Variants in IDE observed in about 807,000 individuals in gnomAD.
IDE encodes insulin degrading enzyme.
A neutral mutation model predicts 133.2 loss-of-function variants in IDE; 58 were observed. The observed-to-expected ratio is 0.44, with a 90% CI of 0.35 to 0.54. IDE has a LOEUF of 0.54. Ranked by LOEUF, IDE falls within the 20% of genes least tolerant of loss-of-function variation. The pLI is 0.00. For synonymous variants in IDE, 396 were observed against 421.3 expected, an observed-to-expected ratio of 0.94 and a Z score of 0.73; for missense variants, 981 against 1,234.0, an observed-to-expected ratio of 0.79 and a Z score of 3.07.
chr10:92,455,084 G>C (rs1439355454), intron 24 of IDE, among the ~76,000 whole-genome samples: 1 of 152,070 alleles, frequency 6.6e-6, no homozygotes, highest in Non-Finnish European at 1.5e-5. Flanking sequence ...GACAAGGGTA[G>C]AGGCTGAGTG....
chr10:92,522,931 C>T (rs1849310320), intron 4 of IDE, among the ~76,000 whole-genome samples: 1 of 152,128 alleles, frequency 6.6e-6, no homozygotes, highest in East Asian at 1.9e-4. Context: ...GCTAAAATTA[C>T]ACTCAGTGAA....
intron 13 of IDE, 134 bp downstream of exon 13, chr10:92,487,062 C>T: frequency 1.3e-6 from 1 of 742,706 alleles, no homozygotes; most frequent in Non-Finnish European, 2.1e-6. Flanking sequence ...ATTCTTTCTG[C>T]AGCTTTTTTG....
chr10:92,469,609 G>A (rs960836474), intron 18 of IDE, among the ~76,000 whole-genome samples: 2 of 151,890 alleles, frequency 1.3e-5, no homozygotes, highest in African/African-American at 4.8e-5. Flanking sequence ...TCAATTTTTT[G>A]TAGAGTTATG....
chr10:92,544,000 A>G (rs1842422910), intron 1 of IDE, among the ~76,000 whole-genome samples: 1 of 152,208 alleles, frequency 6.6e-6, no homozygotes, highest in Admixed American at 6.5e-5. Context: ...TGGGAGGCCG[A>G]GGTGGGCAGA....
chr10:92,472,642 C>CTTTTT (rs35959170), intron 17 of IDE, among the ~76,000 whole-genome samples: 3 of 125,926 alleles, frequency 2.4e-5, no homozygotes, highest in East Asian at 4.5e-4. Flanking sequence ...CAACAGAATT[C>CTTTTT]TTTTTTTTTT....
rs1324621017 is a variant in IDE, at chr10:92,479,520, G to A, written c.1740-99C>T. ...CAAGATATTGAACACCGGTTAATAT[G>A]ATTTCCTGAGGATATGGTTGAATTC... On this transcript the variant is annotated intron_variant, in intron 14 of 24. Transcript: ENST00000265986. 1.6e-5 allele frequency: 14 copies of A among 864,950 alleles called. No individual in the cohort carries two copies. In the Middle Eastern group the frequency reaches 9.2e-4, roughly 57 times the overall value. The allele number at this position is 864,950 out of a possible 1,614,324, so 53.6% of individuals were successfully genotyped here.
intron 1 of IDE, among the ~76,000 whole-genome samples, chr10:92,544,959 C>T (rs1842476145): frequency 6.6e-6 from 1 of 152,056 alleles, no homozygotes; most frequent in Non-Finnish European, 1.5e-5. Context: ...TAAAAGTATA[C>T]ATTAAACCAT....
At chr10:92,486,033 A>C (rs911254058) in intron 13 of IDE, among the ~76,000 whole-genome samples, 2 of 152,166 alleles carry the variant, frequency 1.3e-5, no homozygotes, top group Non-Finnish European at 2.9e-5. Context: ...AGCTAATATA[A>C]AACTCTTTAA....
At position 92,517,207 on chromosome 10, in the gene IDE, C is replaced by G. The variant is rs191165216; in HGVS notation, c.662-2165G>C. On this transcript the variant is annotated intron_variant, in intron 4 of 24. Transcript: ENST00000265986. ...ACAGAAAGCCACCAGATGGCGCTCT[C>G]AAACTCAGTCTTTAGCTCAGTAGTG... 4.9e-3 allele frequency among the ~76,000 whole-genome samples: 749 copies of G among 152,290 alleles called. 8 individuals are homozygous for G. The highest frequency in any genetic ancestry group is 0.017 in the African/African-American group (712 of 41,556).
At chr10:92,558,443 T>G (rs1843118887) in intron 1 of IDE, among the ~76,000 whole-genome samples, 1 of 152,184 alleles carries the variant, frequency 6.6e-6, no homozygotes, top group Non-Finnish European at 1.5e-5. Context: ...GCACAACCAG[T>G]TTTTTAAAAA....
At chr10:92,548,509 G>C (rs1280341882) in intron 1 of IDE, among the ~76,000 whole-genome samples, 1 of 151,738 alleles carries the variant, frequency 6.6e-6, no homozygotes, top group Non-Finnish European at 1.5e-5. Flanking sequence ...ACTTCACCAA[G>C]GCATAGTTCC....
intron 4 of IDE, among the ~76,000 whole-genome samples, chr10:92,516,687 A>G (rs1848946849): frequency 6.6e-6 from 1 of 152,226 alleles, no homozygotes; most frequent in Admixed American, 6.5e-5. Flanking sequence ...TTGCCAAGTT[A>G]CTTGTGGAAA....
chr10:92,464,915 C>A (rs1845592962), intron 20 of IDE, among the ~76,000 whole-genome samples: 1 of 152,216 alleles, frequency 6.6e-6, no homozygotes, highest in Non-Finnish European at 1.5e-5. Flanking sequence ...GGTGATCCAC[C>A]CGCCGCAGCC....
At chr10:92,538,778 C>T (rs192816888) in intron 1 of IDE, among the ~76,000 whole-genome samples, 1 of 41,558 alleles carries the variant, frequency 2.4e-5, no homozygotes, top group African/African-American at 8.6e-5. Context: ...GCTTAATAGA[C>T]AAAAAAAAAA....
chr10:92,506,720 C>G (rs538084060), intron 9 of IDE, among the ~76,000 whole-genome samples, 198 bp from the exon 10 acceptor site: 3 of 152,108 alleles, frequency 2.0e-5, no homozygotes, highest in African/African-American at 7.2e-5. Flanking sequence ...AAAATTTAAT[C>G]CATCAATCTA....
Position 92,485,125 on chromosome 10 carries a change from CTT to C in IDE, c.1657-1790_1657-1789del, listed in dbSNP as rs34615998. ...TTTCTTTTTCTTTCTTTCTTTCTTTCTTTTTTTTTTTTTTTTTTTGTGACAGA... is the reference window on the plus strand; with the variant it reads ...TTTCTTTTTCTTTCTTTCTTTCTTTCTTTTTTTTTTTTTTTTTGTGACAGA... On this transcript the variant is annotated intron_variant, in intron 13 of 24. Transcript: ENST00000265986. Among the ~76,000 whole-genome samples the C allele has an allele frequency of 5.3e-3, 533 of 100,824 alleles. 3 individuals carry two copies. The highest frequency in any genetic ancestry group is 0.018 in the African/African-American group (462 of 25,546). The allele number at this position is 100,824 out of a possible 152,430, so 66.1% of individuals were successfully genotyped here. A position where few individuals can be genotyped will look rare whatever the true frequency, so the allele number is the denominator to read the frequency against.
intron 1 of IDE, among the ~76,000 whole-genome samples, chr10:92,572,233 T>C (rs908788976): frequency 6.6e-6 from 1 of 152,256 alleles, no homozygotes; most frequent in Non-Finnish European, 1.5e-5. Flanking sequence ...GGAGACAGTA[T>C]GGAGACAGCT....
At chr10:92,474,156 C>T (rs546428877) in intron 17 of IDE, among the ~76,000 whole-genome samples, 8 of 152,190 alleles carry the variant, frequency 5.3e-5, no homozygotes, top group South Asian at 2.1e-4. Flanking sequence ...CTCAACTTCC[C>T]GGGCTCAAGC....
At chr10:92,561,230 T>A (rs932963218) in intron 1 of IDE, among the ~76,000 whole-genome samples, 1 of 151,742 alleles carries the variant, frequency 6.6e-6, no homozygotes, top group Admixed American at 6.6e-5. Flanking sequence ...CACTCCAGCC[T>A]GGGCAACAAG....
Sources: allele counts gnomAD v4.1 joint callset (sites outside exome capture counted in the v4.1 genomes callset), GRCh38; gene constraint gnomAD v4.1.1; transcripts MANE v1.5; gene names NCBI Gene and HGNC (gene_info 2026-07-23, HGNC 2026-07-21).